The following FLT1 variants were observed in gnomAD, a reference collection of about 807,000 sequenced individuals.
FLT1 encodes the protein vascular endothelial growth factor receptor 1.
A neutral mutation model predicts 156.3 loss-of-function variants in FLT1; 49 were observed. The observed-to-expected ratio is 0.31, with a 90% CI of 0.25 to 0.40. FLT1 has a LOEUF of 0.40. Ranked by LOEUF, FLT1 falls within the 10% of genes least tolerant of loss-of-function variation. The pLI is 1.00. For synonymous variants in FLT1, 594 were observed against 583.8 expected, an observed-to-expected ratio of 1.02 and a Z score of -0.25; for missense variants, 1,322 against 1,637.2, an observed-to-expected ratio of 0.81 and a Z score of 3.32.
intron 15 of FLT1, among the ~76,000 whole-genome samples, chr13:28,352,742 G>T (rs189839847): frequency 1.3e-5 from 2 of 152,184 alleles, no homozygotes; most frequent in African/African-American, 4.8e-5. Flanking sequence ...CAACACCCAT[G>T]AGAGGTGTAA....
intron 18 of FLT1, among the ~76,000 whole-genome samples, chr13:28,330,677 CA>C (rs1222046593): frequency 2.0e-5 from 3 of 149,238 alleles, no homozygotes; most frequent in Non-Finnish European, 4.4e-5. Context: ...TTTAATAAAT[CA>C]GAGACTTTTT....
chr13:28,335,068 A>G (rs1872065824), intron 17 of FLT1, among the ~76,000 whole-genome samples: 1 of 152,120 alleles, frequency 6.6e-6, no homozygotes, highest in African/African-American at 2.4e-5. Flanking sequence ...CCTGAGATTG[A>G]TGCCCTTTAG....
In FLT1 at chr13:28,308,909, C is replaced by G. The variant is rs967383568; in HGVS notation, c.3654G>C (p.Lys1218Asn). The G allele has an allele frequency of 4.4e-6, 7 of 1,608,036 alleles. No homozygotes were observed. Among genetic ancestry groups the G allele is most frequent in the East Asian group, 4.5e-5 (2 of 44,850 alleles). ...SDDVRYVNAF[K>N]FMSLERIKTF... ...TTTTGATTCTTTCCAGGCTCATGAA[C>G]TTGAAAGCATTTACGTATCTAATGA... The change falls in exon 28 of 30, where the codon AAG (lysine) becomes AAC (asparagine). Residue 1218 changes from lysine (K) to asparagine (N), a missense_variant. Physicochemically the swap from Lys to Asn is moderately conservative, Grantham distance 94. Around this residue, in one of 3 missense-constraint regions of FLT1, gnomAD observed 329 missense variants for 366.2 expected, o/e 0.90. Transcript: ENST00000282397.
Position 28,448,301 on chromosome 13 carries a change from G to A in FLT1, c.389-9956C>T, listed in dbSNP as rs1255633957. 2.0e-5 allele frequency among the ~76,000 whole-genome samples: 3 copies of A among 152,182 alleles called. No individual in the cohort carries two copies. The East Asian group carries it at 5.8e-4, about 29-fold the overall frequency. Reference sequence around the variant, plus strand: ...AAAACTTGTGTCCACACAAAAGCTTGTACACAAATGTTTACTGTAGCACTA... The same window carrying A: ...AAAACTTGTGTCCACACAAAAGCTTATACACAAATGTTTACTGTAGCACTA... On this transcript the variant is annotated intron_variant, in intron 3 of 29. Coordinates refer to ENST00000282397, the MANE Select transcript of FLT1 (RefSeq NM_002019.4).
chr13:28,475,081 C>T (rs2137642552), intron 1 of FLT1, among the ~76,000 whole-genome samples: 2 of 152,268 alleles, frequency 1.3e-5, no homozygotes, highest in Non-Finnish European at 2.9e-5. Context: ...AACATCACTA[C>T]CTAATAGTAG....
intron 23 of FLT1, among the ~76,000 whole-genome samples, chr13:28,321,161 G>A (rs1345511970): frequency 6.6e-6 from 1 of 152,182 alleles, no homozygotes; most frequent in African/African-American, 2.4e-5. Flanking sequence ...TCAAAGGAAG[G>A]TAATGCTAAG....
At chr13:28,319,679 C>A in intron 23 of FLT1, 145 bp from the exon 24 acceptor site, 1 of 666,806 alleles carries the variant, frequency 1.5e-6, no homozygotes, top group Non-Finnish European at 2.8e-6. Flanking sequence ...ATAGAGAACA[C>A]CATAGTATGC....
chr13:28,387,879 A>C, intron 13 of FLT1: 1 of 1,058,814 alleles, frequency 9.4e-7, no homozygotes, highest in Non-Finnish European at 1.1e-6. Flanking sequence ...TGGAATTCTT[A>C]AACTCATCTC....
intron 14 of FLT1, chr13:28,368,429 G>C (rs535149073): frequency 1.4e-6 from 2 of 1,471,478 alleles, no homozygotes; most frequent in African/African-American, 2.8e-5. Flanking sequence ...TGGGATTACA[G>C]GCGTGAGCCA....
At chr13:28,389,332 C>T in intron 13 of FLT1, 2 of 1,225,144 alleles carry the variant, frequency 1.6e-6, no homozygotes, top group East Asian at 3.2e-5. Context: ...TTGGCAGAAA[C>T]CAGCATTTGT....
intron 29 of FLT1, among the ~76,000 whole-genome samples, chr13:28,306,450 T>C (rs1396419936): frequency 6.6e-6 from 1 of 152,226 alleles, no homozygotes; most frequent in East Asian, 1.9e-4. Context: ...GGACTGCCTG[T>C]CTTTGCAAGA....
chr13:28,305,213 C>T (rs555200368), intron 29 of FLT1, among the ~76,000 whole-genome samples: 7 of 152,220 alleles, frequency 4.6e-5, no homozygotes, highest in South Asian at 2.1e-4. Flanking sequence ...TCCTCATGGG[C>T]GTAAAGTGGT....
rs550185687 is a variant in FLT1 at position 28,444,767 on chromosome 13, C to G, written c.389-6422G>C. Among the ~76,000 whole-genome samples, 9 of 152,156 alleles carry G rather than the reference C, an allele frequency of 5.9e-5. No individual in the cohort carries two copies. The South Asian group carries it at 1.9e-3, about 32-fold the overall frequency. On this transcript the variant is annotated intron_variant, in intron 3 of 29. Coordinates refer to ENST00000282397, the MANE Select transcript of FLT1 (RefSeq NM_002019.4). ...GGAAATTGACACATCCCTAAATAAT[C>G]AATGGGTCAAAGAAGAAATTTAAAA...
intron 10 of FLT1, among the ~76,000 whole-genome samples, chr13:28,409,491 T>C (rs1310117190): frequency 6.6e-6 from 1 of 152,040 alleles, no homozygotes; most frequent in Non-Finnish European, 1.5e-5. Flanking sequence ...TGTGCCATCA[T>C]GCGAGGATAA....
chr13:28,482,920 G>A (rs1293622048), intron 1 of FLT1, among the ~76,000 whole-genome samples: 1 of 152,228 alleles, frequency 6.6e-6, no homozygotes, highest in East Asian at 1.9e-4. Flanking sequence ...AGGATGGGAT[G>A]GGAGCTTGAG....
intron 10 of FLT1, among the ~76,000 whole-genome samples, chr13:28,411,505 CA>C (rs1489549331): frequency 6.9e-6 from 1 of 144,110 alleles, no homozygotes; most frequent in Non-Finnish European, 1.5e-5. Context: ...AAGATCATGC[CA>C]TTGCGCTCCA....
chr13:28,368,031 A>G lies in FLT1; in HGVS notation c.2117-10346T>C, dbSNP rs758717753. ...TGTTTGTTTTTCAAAGGTGAGGATT[A>G]TGTGTTGCTTATTTTCATTTTCTCT... On this transcript the variant is annotated intron_variant, in intron 14 of 29. Transcript: ENST00000282397. The G allele has an allele frequency of 5.0e-4, 167 of 336,992 alleles. 1 individual carries two copies. Among genetic ancestry groups the G allele is most frequent in the Middle Eastern group, 1.5e-3 (1 of 664 alleles). The allele number at this position is 336,992 out of a possible 1,614,324, so 20.9% of individuals were successfully genotyped here.
intron 10 of FLT1, among the ~76,000 whole-genome samples, chr13:28,408,750 A>C (rs773067369): frequency 6.6e-6 from 1 of 152,288 alleles, no homozygotes; most frequent in Non-Finnish European, 1.5e-5. Flanking sequence ...TATTCTGGAC[A>C]AGGCCACTGT....
intron 12 of FLT1, among the ~76,000 whole-genome samples, chr13:28,392,828 G>A (rs1874818077): frequency 6.6e-6 from 1 of 152,148 alleles, no homozygotes; most frequent in South Asian, 2.1e-4. Context: ...AATTCGTTTT[G>A]AGGCCTGTTT....
Sources: gnomAD v4.1 joint callset for allele counts (sites outside exome capture counted in the v4.1 genomes callset) on GRCh38, gnomAD v4.1.1 for gene constraint, gnomAD v4.1.1 regional missense constraint, MANE v1.5 for transcripts, NCBI Gene and HGNC (gene_info 2026-07-23, HGNC 2026-07-21) for gene names.